The following EML6 variants were observed in gnomAD, a reference collection of about 807,000 sequenced individuals.
EML6 encodes EMAP like 6.
EML6 carries 154 observed loss-of-function variants against 240.1 expected under a neutral mutation model. That is an observed-to-expected ratio of 0.64 (90% confidence interval 0.56 to 0.73). EML6 has a LOEUF of 0.73. Ranked by LOEUF, EML6 falls within the 30% of genes least tolerant of loss-of-function variation. EML6 has a pLI of 0.00. For synonymous variants in EML6, 1,148 were observed against 899.0 expected (o/e 1.28, Z -4.95); for missense variants, 2,964 against 2,474.6 (o/e 1.20, Z -4.20).
At chr2:54,901,871 G>C (rs1213954614) in intron 22 of EML6, among the ~76,000 whole-genome samples, 1 of 152,188 alleles carries the variant, frequency 6.6e-6, no homozygotes, top group Non-Finnish European at 1.5e-5. Context: ...TCTTGAATCA[G>C]TTTCCTTTTA....
chr2:54,843,360 T>C (rs925983864), intron 7 of EML6, among the ~76,000 whole-genome samples: 3 of 151,912 alleles, frequency 2.0e-5, no homozygotes, highest in Admixed American at 6.6e-5. Flanking sequence ...GCCCCGGAAG[T>C]CGAGGCTTCA....
At chr2:54,919,943 T>C (rs1162315052) in intron 26 of EML6, among the ~76,000 whole-genome samples, 2 of 152,226 alleles carry the variant, frequency 1.3e-5, no homozygotes, top group African/African-American at 4.8e-5. Context: ...ATCTTCTGTG[T>C]ATGCTTTTTT....
chr2:54,921,594 T>A (rs1457001539), intron 26 of EML6, among the ~76,000 whole-genome samples: 1 of 152,092 alleles, frequency 6.6e-6, no homozygotes, highest in African/African-American at 2.4e-5. Context: ...AAAATGTGTA[T>A]GTAACCACAA....
intron 2 of EML6, among the ~76,000 whole-genome samples, chr2:54,731,969 ACTGT>A (rs1683193318): frequency 2.6e-5 from 4 of 152,124 alleles, no homozygotes; most frequent in East Asian, 3.9e-4. Flanking sequence ...AAGATTTACT[ACTGT>A]CTGTCTTTTT....
chr2:54,931,260 G>A (rs867155373), intron 28 of EML6, among the ~76,000 whole-genome samples: 3 of 151,844 alleles, frequency 2.0e-5, no homozygotes, highest in South Asian at 2.1e-4. Context: ...CCCGGCGACC[G>A]TAGGCATCTT....
chr2:54,731,249 G>A (rs1296036141), intron 2 of EML6, among the ~76,000 whole-genome samples: 1 of 152,158 alleles, frequency 6.6e-6, no homozygotes, highest in Non-Finnish European at 1.5e-5. Context: ...TGCCTCATGG[G>A]TTTTGGTACC....
intron 2 of EML6, among the ~76,000 whole-genome samples, chr2:54,769,663 A>G (rs181841280): frequency 2.4e-4 from 37 of 152,332 alleles, no homozygotes; most frequent in Non-Finnish European, 4.3e-4. Flanking sequence ...CTGTGAAACC[A>G]TCACCACAAT....
chr2:54,854,284 G>T (rs1670253100), intron 11 of EML6, among the ~76,000 whole-genome samples: 1 of 152,170 alleles, frequency 6.6e-6, no homozygotes, highest in Admixed American at 6.5e-5. Flanking sequence ...GGTGATAATA[G>T]TTTATGGACC....
chr2:54,905,693 T>C (rs1362217491), intron 24 of EML6, among the ~76,000 whole-genome samples: 9 of 152,214 alleles, frequency 5.9e-5, no homozygotes, highest in Non-Finnish European at 1.3e-4. Context: ...TGATAACTTT[T>C]CATTTCCCCA....
intron 2 of EML6, among the ~76,000 whole-genome samples, chr2:54,805,239 T>A (rs903389035): frequency 6.6e-5 from 10 of 152,204 alleles, no homozygotes; most frequent in African/African-American, 2.4e-4. Flanking sequence ...TATTTCCGAT[T>A]TCTGGCTCTT....
intron 2 of EML6, among the ~76,000 whole-genome samples, chr2:54,773,906 T>C (rs1438928781): frequency 6.6e-6 from 1 of 152,256 alleles, no homozygotes; most frequent in Non-Finnish European, 1.5e-5. Flanking sequence ...AATCTGTTTC[T>C]GCTACATACC....
intron 22 of EML6, among the ~76,000 whole-genome samples, chr2:54,900,124 C>G (rs1672980507): frequency 6.6e-6 from 1 of 152,130 alleles, no homozygotes; most frequent in African/African-American, 2.4e-5. Context: ...GTAACAGTCT[C>G]CAGAACTTAT....
At chr2:54,889,900 C>A (rs920752984) in intron 17 of EML6, among the ~76,000 whole-genome samples, 5 of 152,128 alleles carry the variant, frequency 3.3e-5, no homozygotes, top group Non-Finnish European at 5.9e-5. Context: ...TAAGCTATTC[C>A]AGTGTGTTCT....
At chr2:54,833,469 C>CT (rs1381685482) in intron 7 of EML6, among the ~76,000 whole-genome samples, 1 of 152,174 alleles carries the variant, frequency 6.6e-6, no homozygotes, top group Non-Finnish European at 1.5e-5. Flanking sequence ...TCTTTTACAT[C>CT]TTTGTAGTAG....
chr2:54,812,173 TTCTGTATTA>T (rs925258929), intron 2 of EML6, among the ~76,000 whole-genome samples: 30 of 152,152 alleles, frequency 2.0e-4, no homozygotes, highest in African/African-American at 6.5e-4. Flanking sequence ...ATCATCTATT[TTCTGTATTA>T]TCTGTATTTT....
intron 40 of EML6, 39 bp from the exon 41 acceptor site, chr2:54,968,629 C>A: frequency 8.1e-7 from 1 of 1,229,288 alleles, no homozygotes; most frequent in Non-Finnish European, 1.2e-6. Flanking sequence ...TGAGAGGAGC[C>A]AGGGTCTCTT....
chr2:54,743,493 G>T lies in EML6; in HGVS notation c.197+18235G>T, dbSNP rs532437504. On this transcript the variant is annotated intron_variant, in intron 2 of 41. Coordinates refer to ENST00000356458, the MANE Select transcript of EML6 (RefSeq NM_001039753.4). ...GCATTTTTCCCTGTAATCCTGAAGA[G>T]AATTCAGAGGTATAGTTACATGGCT... Among the ~76,000 whole-genome samples, 7 of 152,270 alleles carry T rather than the reference G, an allele frequency of 4.6e-5. No individual in the cohort carries two copies. In the South Asian group the frequency reaches 8.3e-4, roughly 18 times the overall value.
chr2:54,752,972 A>G (rs955266204), intron 2 of EML6, among the ~76,000 whole-genome samples: 1 of 152,178 alleles, frequency 6.6e-6, no homozygotes, highest in African/African-American at 2.4e-5. Flanking sequence ...GATTTTTAGT[A>G]GAGGCGGGGT....
rs148167686 is a variant in EML6 at position 54,908,702 on chromosome 2, C to T, written c.3410-2252C>T. Among the ~76,000 whole-genome samples the T allele has an allele frequency of 1.5e-4, 23 of 152,288 alleles. No homozygotes were observed. The East Asian group carries it at 4.1e-3, about 27-fold the overall frequency. On this transcript the variant is annotated intron_variant, in intron 24 of 41. Coordinates refer to ENST00000356458, the MANE Select transcript of EML6 (RefSeq NM_001039753.4). ...GCAGCCTTTCTCTACTTCATCTGCA[C>T]ATGGCCCAGCCTCGGCTGCCCCAAA...
Sources: gnomAD v4.1 joint callset for allele counts (sites outside exome capture counted in the v4.1 genomes callset) on GRCh38, gnomAD v4.1.1 for gene constraint, MANE v1.5 for transcripts, NCBI Gene and HGNC (gene_info 2026-07-23, HGNC 2026-07-21) for gene names.